QTMAN: variants seen among roughly 807,000 people sequenced by gnomAD.
QTMAN encodes tRNA-queuosine alpha-mannosyltransferase.
chr2:144,156,702 CA>C, the QTMAN span, among the ~76,000 whole-genome samples: 5 of 151,678 alleles, frequency 3.3e-5, no homozygotes, highest in East Asian at 3.9e-4. Flanking sequence ...AAAAAACAAA[CA>C]AAAAAAATGC....
the QTMAN span, among the ~76,000 whole-genome samples, chr2:144,141,652 TAAAAG>T: frequency 4.3e-5 from 6 of 141,104 alleles, no homozygotes; most frequent in African/African-American, 7.8e-5. Flanking sequence ...AACAAATAAA[TAAAAG>T]AAAAGAAAAG....
the QTMAN span, among the ~76,000 whole-genome samples, chr2:144,129,425 G>A: frequency 6.6e-6 from 1 of 151,928 alleles, no homozygotes; most frequent in African/African-American, 2.4e-5. Context: ...GTGCTAAAAT[G>A]TTATTTCTTC....
At chr2:143,952,751 GA>G in the QTMAN span, 1 of 1,433,302 alleles carries the variant, frequency 7.0e-7, no homozygotes, top group Non-Finnish European at 9.8e-7. Flanking sequence ...CAATAAAGAT[GA>G]ATGTACATTA....
At chr2:144,261,385 AT>A in the QTMAN span, among the ~76,000 whole-genome samples, 79 of 150,814 alleles carry the variant, frequency 5.2e-4, no homozygotes, top group Admixed American at 1.9e-3. Context: ...ACCTAAAAAG[AT>A]TTTTTTTTTC....
chr2:144,320,076 C>A, the QTMAN span, among the ~76,000 whole-genome samples: 13 of 152,278 alleles, frequency 8.5e-5, no homozygotes, highest in East Asian at 1.4e-3. Context: ...GGTTGAAAAA[C>A]CAGATTTTTT....
At chr2:144,211,018 A>C in the QTMAN span, 1 of 152,158 alleles carries the variant, frequency 6.6e-6, no homozygotes, top group Admixed American at 6.5e-5. Context: ...TCTAACCTCA[A>C]AGAAAGCAAT....
the QTMAN span, among the ~76,000 whole-genome samples, chr2:144,103,012 A>C: frequency 6.6e-6 from 1 of 152,156 alleles, no homozygotes; most frequent in Non-Finnish European, 1.5e-5. Flanking sequence ...ACCTGAGAAA[A>C]TTCTGAGAGT....
At chr2:143,980,793 T>C in the QTMAN span, among the ~76,000 whole-genome samples, 2 of 152,346 alleles carry the variant, frequency 1.3e-5, no homozygotes, top group African/African-American at 4.8e-5. Context: ...CCAATCCAGC[T>C]TCCAAAAGAC....
the QTMAN span, among the ~76,000 whole-genome samples, chr2:144,307,974 G>A: frequency 3.8e-3 from 582 of 152,136 alleles, 4 homozygotes; most frequent in African/African-American, 0.013. Context: ...TGTACAAGCC[G>A]ATTCTCTAAT....
chr2:144,134,045 C>T, the QTMAN span, among the ~76,000 whole-genome samples: 9 of 152,100 alleles, frequency 5.9e-5, no homozygotes, highest in Non-Finnish European at 1.2e-4. Context: ...CCGGCAACTT[C>T]CCTAAAAGCA....
At chr2:144,252,134 A>G in the QTMAN span, among the ~76,000 whole-genome samples, 1 of 152,202 alleles carries the variant, frequency 6.6e-6, no homozygotes, top group Non-Finnish European at 1.5e-5. Context: ...TGGGAGGCCA[A>G]GGCAGGAGGA....
the QTMAN span, chr2:144,006,939 C>T: frequency 7.9e-6 from 3 of 379,420 alleles, no homozygotes; most frequent in East Asian, 1.3e-4. Flanking sequence ...AGTGCCTACC[C>T]ACTACTGTTA....
At chr2:144,141,964 G>A in the QTMAN span, 1 of 1,610,498 alleles carries the variant, frequency 6.2e-7, no homozygotes, top group African/African-American at 1.3e-5. Flanking sequence ...TTGGGTCTGT[G>A]ATCAGGAATC....
the QTMAN span, among the ~76,000 whole-genome samples, chr2:143,965,139 T>C: frequency 6.6e-6 from 1 of 152,112 alleles, no homozygotes; most frequent in East Asian, 1.9e-4. Flanking sequence ...ATATTTGCAT[T>C]GAGGAGCTTC....
the QTMAN span, among the ~76,000 whole-genome samples, chr2:144,026,550 C>A: frequency 2.0e-5 from 3 of 152,094 alleles, no homozygotes; most frequent in Non-Finnish European, 4.4e-5. Flanking sequence ...ATATTTGTAA[C>A]ATATACAACA....
the QTMAN span, among the ~76,000 whole-genome samples, chr2:143,983,136 T>C: frequency 1.3e-5 from 2 of 152,152 alleles, no homozygotes; most frequent in African/African-American, 2.4e-5. Flanking sequence ...TCATATTTAG[T>C]ATCTGTACTT....
At chr2:144,108,033 G>A in the QTMAN span, among the ~76,000 whole-genome samples, 1 of 152,106 alleles carries the variant, frequency 6.6e-6, no homozygotes, top group African/African-American at 2.4e-5. Context: ...ATGCAGAAAA[G>A]GCCTTTGACA....
chr2:144,096,774 T>C, the QTMAN span, among the ~76,000 whole-genome samples: 5 of 152,226 alleles, frequency 3.3e-5, no homozygotes, highest in Non-Finnish European at 7.3e-5. Flanking sequence ...TACACAAATG[T>C]CAGAGAGTGA....
the QTMAN span, among the ~76,000 whole-genome samples, chr2:143,997,103 G>A: frequency 1.3e-5 from 2 of 152,024 alleles, no homozygotes; most frequent in African/African-American, 4.8e-5. Context: ...GTACAGTAAT[G>A]AAGATAAAAC....
Sources: allele counts gnomAD v4.1 joint callset (sites outside exome capture counted in the v4.1 genomes callset), GRCh38; gene constraint gnomAD v4.1.1; transcripts MANE v1.5; gene names NCBI Gene and HGNC (gene_info 2026-07-23, HGNC 2026-07-21).